The following TRMT9B variants were observed in gnomAD, a reference collection of about 807,000 sequenced individuals.
The protein encoded by TRMT9B is tRNA methyltransferase 9B (putative).
TRMT9B carries 16 observed loss-of-function variants against 11.5 expected under a neutral mutation model. The ratio of observed to expected loss-of-function variants is 1.39; its 90% CI spans 0.94 to 2.11. The LOEUF (loss-of-function observed/expected upper bound fraction) is 2.11, where lower values mean the gene tolerates loss of function less well. Ranked by LOEUF, TRMT9B falls within the 30% of genes most tolerant of loss-of-function variation. The probability of loss-of-function intolerance (pLI) is 0.00; values close to 1 mark genes in which losing one functional copy is unlikely to be tolerated. For missense variants in TRMT9B, 941 were observed against 553.8 expected (o/e 1.70, Z -7.02); for synonymous variants, 274 against 192.4 (o/e 1.42, Z -3.51).
At chr8:13,012,047 G>C (rs987782918) in intron 3 of TRMT9B, 4 of 985,338 alleles carry the variant, frequency 4.1e-6, no homozygotes, top group Non-Finnish European at 4.8e-6. Context: ...GGCTACACGT[G>C]GTCTCTCGGA....
chr8:12,981,279 C>G (rs943416091), intron 1 of TRMT9B, among the ~76,000 whole-genome samples: 28 of 152,230 alleles, frequency 1.8e-4, no homozygotes, highest in Admixed American at 1.3e-4. Flanking sequence ...AAGTCCTCCT[C>G]TCGTTGTCAC....
intron 1 of TRMT9B, among the ~76,000 whole-genome samples, chr8:12,950,432 A>C (rs918196793): frequency 2.0e-5 from 3 of 152,202 alleles, no homozygotes; most frequent in Non-Finnish European, 4.4e-5. Context: ...TCTGTGTCCG[A>C]AGACATATTG....
chr8:12,993,041 C>G (rs750198538), intron 2 of TRMT9B, among the ~76,000 whole-genome samples: 1 of 152,136 alleles, frequency 6.6e-6, no homozygotes, highest in Non-Finnish European at 1.5e-5. Context: ...CTGCTGGCTT[C>G]AGCAAAGACC....
intron 1 of TRMT9B, among the ~76,000 whole-genome samples, chr8:12,988,554 G>A (rs968199384): frequency 2.0e-5 from 3 of 152,252 alleles, no homozygotes; most frequent in South Asian, 2.1e-4. Flanking sequence ...GGAAGGGGAA[G>A]CAAACATATC....
Position 13,023,056 on chromosome 8 carries a change from T to C in TRMT9B, c.*1012T>C, listed in dbSNP as rs1182346983. ...TGGAGTATGTAGGTAGTAGGAGTTATATGCAAGTACCCAAGTGGTATTCTT... is the reference window on the plus strand; with the variant it reads ...TGGAGTATGTAGGTAGTAGGAGTTACATGCAAGTACCCAAGTGGTATTCTT... On this transcript the variant is annotated 3_prime_UTR_variant, in exon 5 of 5. Coordinates refer to ENST00000524591, the MANE Select transcript of TRMT9B (RefSeq NM_020844.3). 6.0e-6 allele frequency: 1 copy of C among 167,094 alleles called. No homozygotes were observed. Among genetic ancestry groups the C allele is most frequent in the East Asian group, 1.9e-4 (1 of 5,200 alleles). The allele number at this position is 167,094 out of a possible 1,614,324, so 10.4% of individuals were successfully genotyped here.
chr8:12,950,026 G>C (rs940377490), intron 1 of TRMT9B, among the ~76,000 whole-genome samples: 4 of 151,960 alleles, frequency 2.6e-5, no homozygotes, highest in African/African-American at 9.7e-5. Context: ...CTAATGTTTT[G>C]TATTTCTTTC....
rs953657271 is a variant in TRMT9B, at chr8:12,972,858, A to G, written c.-199-17976A>G. 3.3e-5 allele frequency among the ~76,000 whole-genome samples: 5 copies of G among 152,216 alleles called. No homozygotes were observed. In the South Asian group the frequency reaches 8.3e-4, roughly 25 times the overall value. ...ATAATATAAAAACGACCATTTAACC[A>G]TTTTTAATTATATAACTCAGGGGCG... On this transcript the variant is annotated intron_variant, in intron 1 of 4. Coordinates refer to ENST00000524591, the MANE Select transcript of TRMT9B (RefSeq NM_020844.3).
chr8:13,009,282 G>C (rs1019572127), intron 3 of TRMT9B, among the ~76,000 whole-genome samples: 1 of 152,030 alleles, frequency 6.6e-6, no homozygotes, highest in Admixed American at 6.6e-5. Flanking sequence ...GTAGGAAATG[G>C]TAAGACGTTG....
At chr8:13,016,905 T>C (rs1174387003) in intron 4 of TRMT9B, among the ~76,000 whole-genome samples, 2 of 150,348 alleles carry the variant, frequency 1.3e-5, no homozygotes, top group Non-Finnish European at 3.0e-5. Flanking sequence ...GGCAGGCGGA[T>C]CACAAGGTCA....
intron 1 of TRMT9B, among the ~76,000 whole-genome samples, chr8:12,953,345 T>G (rs1800883486): frequency 6.6e-6 from 1 of 152,182 alleles, no homozygotes; most frequent in African/African-American, 2.4e-5. Context: ...TTTTATTATT[T>G]ATTTGTTTGT....
chr8:13,013,066 C>T (rs1032778424), intron 4 of TRMT9B, among the ~76,000 whole-genome samples: 3 of 152,088 alleles, frequency 2.0e-5, no homozygotes, highest in Non-Finnish European at 4.4e-5. Context: ...CTATTTAAAC[C>T]TTCAACTTGG....
chr8:13,000,979 C>T (rs1411080011), intron 2 of TRMT9B, among the ~76,000 whole-genome samples: 1 of 152,058 alleles, frequency 6.6e-6, no homozygotes, highest in Non-Finnish European at 1.5e-5. Flanking sequence ...TGACCCTGAG[C>T]CCCTATCTAG....
chr8:12,949,544 G>A (rs1442060525), intron 1 of TRMT9B, among the ~76,000 whole-genome samples: 3 of 152,044 alleles, frequency 2.0e-5, no homozygotes, highest in South Asian at 2.1e-4. Context: ...CTGAAATGCC[G>A]CTTATGATGG....
At chr8:12,999,780 T>G (rs185945308) in intron 2 of TRMT9B, among the ~76,000 whole-genome samples, 1 of 152,306 alleles carries the variant, frequency 6.6e-6, no homozygotes, top group East Asian at 1.9e-4. Flanking sequence ...GTGTAGAGGT[T>G]ATATTTCTTT....
chr8:13,024,746 G>T lies in TRMT9B; in HGVS notation c.*2702G>T, dbSNP rs1814486496. On this transcript the variant is annotated 3_prime_UTR_variant, in exon 5 of 5. Coordinates refer to ENST00000524591, the MANE Select transcript of TRMT9B (RefSeq NM_020844.3). ...TACGTTTGACAGGGGTGTAAATAAA[G>T]CATGCTGACTAATAAGTCTTTTACT... 1 of 166,980 alleles carries T rather than the reference G, an allele frequency of 6.0e-6. No individual in the cohort carries two copies. The highest frequency in any genetic ancestry group is 1.5e-5 in the Non-Finnish European group (1 of 68,104). 10.3% of individuals were successfully genotyped at this position (166,980 alleles called of 1,614,324 possible).
At chr8:12,956,226 A>G (rs1291704626) in intron 1 of TRMT9B, among the ~76,000 whole-genome samples, 1 of 152,204 alleles carries the variant, frequency 6.6e-6, no homozygotes, top group Non-Finnish European at 1.5e-5. Context: ...TTCTGTGACA[A>G]TCCATCATGC....
At chr8:13,003,892 G>A (rs1809922390) in intron 2 of TRMT9B, among the ~76,000 whole-genome samples, 1 of 150,708 alleles carries the variant, frequency 6.6e-6, no homozygotes, top group Admixed American at 6.7e-5. Flanking sequence ...ACTAAAGGAA[G>A]CACAGAAGAG....
chr8:12,961,690 G>C (rs954961585), intron 1 of TRMT9B: 2 of 130,952 alleles, frequency 1.5e-5, no homozygotes, highest in African/African-American at 5.9e-5. Flanking sequence ...GACAGAGCGA[G>C]ACTCCATCTC....
intron 1 of TRMT9B, among the ~76,000 whole-genome samples, chr8:12,965,892 A>C (rs1346732735): frequency 6.6e-6 from 1 of 151,552 alleles, no homozygotes; most frequent in African/African-American, 2.4e-5. Flanking sequence ...GGGCACCTGT[A>C]GTTCCAGCTA....
Sources: gnomAD v4.1 joint callset for allele counts (sites outside exome capture counted in the v4.1 genomes callset) on GRCh38, gnomAD v4.1.1 for gene constraint, MANE v1.5 for transcripts, NCBI Gene and HGNC (gene_info 2026-07-23, HGNC 2026-07-21) for gene names.